NIN: variants seen among roughly 807,000 people sequenced by gnomAD.
NIN encodes ninein.
In NIN, 137 loss-of-function variants were observed where a neutral mutation model predicts 257.6. That is an observed-to-expected ratio of 0.53 (90% CI 0.46 to 0.61). The LOEUF (loss-of-function observed/expected upper bound fraction) is 0.61. Among genes scored for constraint, NIN ranks in the 20% least tolerant of loss-of-function variants. The probability of loss-of-function intolerance (pLI) is 0.00; values close to 1 mark genes in which losing one functional copy is unlikely to be tolerated. For synonymous variants in NIN, 918 were observed against 919.8 expected (o/e 1.00, Z 0.04); for missense variants, 2,439 against 2,501.2 (o/e 0.98, Z 0.53).
chr14:50,752,033 C>T (rs1467048525), intron 21 of NIN, among the ~76,000 whole-genome samples: 2 of 151,936 alleles, frequency 1.3e-5, no homozygotes, highest in Admixed American at 6.6e-5. Context: ...GCCAAGTAAA[C>T]TTTTTTTAAC....
At chr14:50,764,063 CT>C in intron 14 of NIN, 99 bp from the exon 15 acceptor site, 1 of 1,071,882 alleles carries the variant, frequency 9.3e-7, no homozygotes, top group South Asian at 1.4e-5. Context: ...AAAACAAAAT[CT>C]TTTGTGCTTC....
chr14:50,773,515 TTTTC>T (rs1236907746), intron 7 of NIN, among the ~76,000 whole-genome samples: 1 of 152,190 alleles, frequency 6.6e-6, no homozygotes, highest in Non-Finnish European at 1.5e-5. Flanking sequence ...CTCAGTGATA[TTTTC>T]TTTATGTTGA....
chr14:50,785,755 G>A (rs1428355778), intron 5 of NIN, among the ~76,000 whole-genome samples: 2 of 152,206 alleles, frequency 1.3e-5, no homozygotes. Flanking sequence ...TGTGCTCTGA[G>A]CTGGGTAGTG....
chr14:50,817,825 C>T (rs1373035118), intron 3 of NIN, among the ~76,000 whole-genome samples: 2 of 152,038 alleles, frequency 1.3e-5, no homozygotes, highest in Non-Finnish European at 2.9e-5. Context: ...AAGCAATTCT[C>T]CTGTCTCAGC....
intron 12 of NIN, among the ~76,000 whole-genome samples, chr14:50,769,145 T>C (rs926299271): frequency 6.6e-6 from 1 of 152,210 alleles, no homozygotes; most frequent in African/African-American, 2.4e-5. Context: ...GTACTTATTG[T>C]TTTCCAGACA....
intron 7 of NIN, 53 bp downstream of exon 7, chr14:50,776,896 T>A: frequency 6.7e-7 from 1 of 1,499,952 alleles, no homozygotes. Flanking sequence ...TAGCATGTGG[T>A]CAACTACACT....
intron 29 of NIN, chr14:50,727,132 A>ATGTC (rs61132277): frequency 0.75 from 277,888 of 372,676 alleles, 105,729 homozygotes; most frequent in African/African-American, 0.92. Flanking sequence ...TAAATACAAA[A>ATGTC]TGATGTCTAT....
intron 28 of NIN, among the ~76,000 whole-genome samples, chr14:50,731,167 C>G (rs1489488712): frequency 6.6e-6 from 1 of 152,182 alleles, no homozygotes; most frequent in Non-Finnish European, 1.5e-5. Flanking sequence ...TCTTACAACT[C>G]TAATTCTACA....
intron 4 of NIN, among the ~76,000 whole-genome samples, chr14:50,797,725 A>G (rs750052471): frequency 4.3e-4 from 66 of 152,208 alleles, no homozygotes; most frequent in Non-Finnish European, 8.8e-4. Context: ...TAAGACCAAG[A>G]AAAATACAGA....
At chr14:50,735,108 C>T (rs1463754779) in intron 28 of NIN, among the ~76,000 whole-genome samples, 1 of 152,162 alleles carries the variant, frequency 6.6e-6, no homozygotes, top group African/African-American at 2.4e-5. Context: ...TCTCAAATTT[C>T]CCGCATGGAT....
At chr14:50,813,548 T>C (rs1318075548) in intron 3 of NIN, among the ~76,000 whole-genome samples, 1 of 152,256 alleles carries the variant, frequency 6.6e-6, no homozygotes, top group Admixed American at 6.5e-5. Context: ...ACATTTCATA[T>C]GAATGCTTTT....
chr14:50,790,573 A>G (rs781530534), intron 5 of NIN, among the ~76,000 whole-genome samples: 19 of 152,288 alleles, frequency 1.2e-4, no homozygotes, highest in Non-Finnish European at 2.8e-4. Context: ...AGTCAGTTGG[A>G]GTCCTCGCTG....
intron 2 of NIN, chr14:50,823,438 AC>A: frequency 3.0e-6 from 1 of 329,590 alleles, no homozygotes; most frequent in South Asian, 2.8e-5. Context: ...GCAGATCATT[AC>A]AACATGAAAA....
chr14:50,792,768 C>T lies in NIN; in HGVS notation c.379G>A (p.Glu127Lys), dbSNP rs1424984062. 1 of 1,614,194 alleles carries T rather than the reference C, an allele frequency of 6.2e-7. No individual in the cohort carries two copies. Among genetic ancestry groups the T allele is most frequent in the Non-Finnish European group, 8.5e-7 (1 of 1,180,038 alleles). Residue 127 changes from glutamate to lysine, a missense_variant, in exon 5 of 31, where the codon GAG (glutamate) becomes AAG (lysine). By Grantham distance (56) the Glu-to-Lys change is moderately conservative. Coordinates refer to ENST00000530997, the MANE Select transcript of NIN (RefSeq NM_020921.4). ...VEEFPEVTVI[E>K]PLDEEARPSH... The stretch of plus-strand genomic sequence containing the variant: ...GGCCGCGCTTCTTCATCCAGTGGCT[C>T]AATCACCGTCACTTCAGGAAACTCC...
chr14:50,723,376 G>A lies in NIN; in HGVS notation c.*87C>T, dbSNP rs1347103938. The A allele has an allele frequency of 6.8e-6, 8 of 1,178,282 alleles. No individual in the cohort carries two copies. In the Admixed American group the frequency reaches 1.8e-4, roughly 26 times the overall value. 73.0% of individuals were successfully genotyped at this position (1,178,282 alleles called of 1,614,324 possible). ...CCAGTTGTGTTGCTGGCAGTTTTAG[G>A]TTAGGCTTAATTTTAAGTTGAGAAC... On this transcript the variant is annotated 3_prime_UTR_variant, in exon 31 of 31. Coordinates refer to ENST00000530997, the MANE Select transcript of NIN (RefSeq NM_020921.4).
chr14:50,830,386 T>A (rs1274212615), intron 2 of NIN, 78 bp downstream of exon 2: 1 of 166,556 alleles, frequency 6.0e-6, no homozygotes, highest in African/African-American at 2.4e-5. Flanking sequence ...CGCCTGCCCA[T>A]CGCCACTACC....
At chr14:50,748,180 G>A in intron 21 of NIN, 75 bp from the exon 22 acceptor site, 1 of 895,672 alleles carries the variant, frequency 1.1e-6, no homozygotes, top group Non-Finnish European at 1.8e-6. Flanking sequence ...TTCATAAAAG[G>A]CCATATTAAG....
At chr14:50,744,636 C>A (rs2041453144) in intron 22 of NIN, among the ~76,000 whole-genome samples, 1 of 152,166 alleles carries the variant, frequency 6.6e-6, no homozygotes, top group East Asian at 1.9e-4. Context: ...TTTTAAAAAA[C>A]CAGTCAAGAC....
intron 23 of NIN, 22 bp from the exon 24 acceptor site, chr14:50,743,551 A>C (rs1422944863): frequency 6.6e-7 from 1 of 1,512,774 alleles, no homozygotes; most frequent in African/African-American, 1.4e-5. Flanking sequence ...AGGGAAAAAG[A>C]GGTAAGAGGG....
Sources: gnomAD v4.1 joint callset for allele counts (sites outside exome capture counted in the v4.1 genomes callset) on GRCh38, gnomAD v4.1.1 for gene constraint, MANE v1.5 for transcripts, NCBI Gene and HGNC (gene_info 2026-07-23, HGNC 2026-07-21) for gene names.